The following PLEKHG4B variants were observed in gnomAD, a reference collection of about 807,000 sequenced individuals.
PLEKHG4B encodes pleckstrin homology and RhoGEF domain containing G4B.
In PLEKHG4B, 111 loss-of-function variants were observed where a neutral mutation model predicts 121.3. The observed-to-expected ratio is 0.92, with a 90% CI of 0.78 to 1.07. The LOEUF is 1.07. Ranked by LOEUF, PLEKHG4B falls within the 50% of genes least tolerant of loss-of-function variation. The pLI is 0.00. For synonymous variants in PLEKHG4B, 738 were observed against 725.0 expected, an observed-to-expected ratio of 1.02 and a Z score of -0.29; for missense variants, 1,831 against 1,757.8, an observed-to-expected ratio of 1.04 and a Z score of -0.74.
intron 13 of PLEKHG4B, among the ~76,000 whole-genome samples, chr5:164,273 C>G (rs961624385): frequency 2.0e-5 from 3 of 152,362 alleles, no homozygotes; most frequent in Admixed American, 6.5e-5. Context: ...CACTTCAGCT[C>G]ACCAGGCATT....
chr5:168,257 G>A (rs1736417074), intron 13 of PLEKHG4B, among the ~76,000 whole-genome samples: 2 of 152,192 alleles, frequency 1.3e-5, no homozygotes. Flanking sequence ...CTCATTCAAG[G>A]CAGGGAGACC....
At position 183,259 on chromosome 5, in the gene PLEKHG4B, G is replaced by A. The variant is rs977763303; in HGVS notation, c.*936G>A. The A allele has an allele frequency of 6.6e-6, 1 of 152,200 alleles. No homozygotes were observed. The highest frequency in any genetic ancestry group is 1.5e-5 in the Non-Finnish European group (1 of 68,042). 9.4% of individuals were successfully genotyped at this position (152,200 alleles called of 1,614,324 possible). ...CACTTTATCCCAGAACAAAGCTCCA[G>A]ATGATCTAGGGGTTACCAAAGTGTC... On this transcript the variant is annotated 3_prime_UTR_variant, in exon 20 of 20. Coordinates refer to ENST00000637938, the MANE Select transcript of PLEKHG4B (RefSeq NM_052909.5).
intron 1 of PLEKHG4B, among the ~76,000 whole-genome samples, 164 bp downstream of exon 1, chr5:92,440 A>AGTAGGGGCGGGTGGGGGCGCCGGG (rs1480603363): frequency 1.3e-4 from 1 of 7,488 alleles, no homozygotes; most frequent in African/African-American, 7.6e-4. Context: ...CGGACGCGGG[A>AGTAGGGGCGGGTGGGGGCGCCGGG]GTAGGGGCGG....
chr5:97,519 G>A lies in PLEKHG4B; in HGVS notation c.45+5243G>A, dbSNP rs575278159. Reference sequence around the variant, plus strand: ...CTGTCTCTATGGATTTATCTATTCCGGACATTTCATATCAACGGAATCGCA... The same window carrying A: ...CTGTCTCTATGGATTTATCTATTCCAGACATTTCATATCAACGGAATCGCA... On this transcript the variant is annotated intron_variant, in intron 1 of 19. Transcript: ENST00000637938. 2.0e-5 allele frequency among the ~76,000 whole-genome samples: 3 copies of A among 152,288 alleles called. No homozygotes were observed. The East Asian group carries it at 5.8e-4, about 29-fold the overall frequency.
At chr5:104,229 C>G (rs993216080) in intron 1 of PLEKHG4B, among the ~76,000 whole-genome samples, 2 of 150,432 alleles carry the variant, frequency 1.3e-5, no homozygotes, top group African/African-American at 5.0e-5. Flanking sequence ...CCTAAACAAC[C>G]TCAGCCCAGT....
chr5:140,712 G>A lies in PLEKHG4B; in HGVS notation c.1473G>A (p.Glu491=). The change falls in exon 3 of 20, where the codon GAG becomes GAA. Residue 491 remains glutamate, a synonymous_variant. Transcript: ENST00000637938. ...TAGAGGGTCCCGGCTGCACCAAAGA[G>A]GAAGGTAAATGCTCCCCACGCCCTC... ...VPVEGPGCTK[E]EDVLASSACV... is the part of the protein sequence containing the mutation. 6.4e-7 allele frequency: 1 copy of A among 1,562,380 alleles called. No homozygotes were observed. Among genetic ancestry groups the A allele is most frequent in the East Asian group, 2.3e-5 (1 of 44,278 alleles).
intron 2 of PLEKHG4B, among the ~76,000 whole-genome samples, chr5:135,673 AAAAAAAAAAATATATATATATAT>A (rs1316632355): frequency 9.3e-5 from 6 of 64,196 alleles, no homozygotes; most frequent in South Asian, 4.8e-4. Flanking sequence ...CTCAAAAAAA[AAAAAAAAAAATATATATATATAT>A]ATATATATAT....
At chr5:169,925 G>A (rs1444959868) in intron 14 of PLEKHG4B, among the ~76,000 whole-genome samples, 2 of 152,156 alleles carry the variant, frequency 1.3e-5, no homozygotes, top group Non-Finnish European at 2.9e-5. Context: ...GCAGTTCCCA[G>A]AATCACCTTC....
At chr5:92,547 AG>A (rs1733498010) in intron 1 of PLEKHG4B, among the ~76,000 whole-genome samples, 1 of 5,308 alleles carries the variant, frequency 1.9e-4, no homozygotes, top group Non-Finnish European at 3.7e-4. Context: ...CTGGGGTGGG[AG>A]GGGGCGCGGG....
At chr5:136,152 C>T (rs199757099) in intron 2 of PLEKHG4B, among the ~76,000 whole-genome samples, 1 of 152,106 alleles carries the variant, frequency 6.6e-6, no homozygotes, top group East Asian at 1.9e-4. Context: ...TACCTAAACC[C>T]CATTTACAAA....
chr5:162,755 G>A lies in PLEKHG4B; in HGVS notation c.2683G>A (p.Ala895Thr), dbSNP rs1436497857. The change falls in exon 13 of 20, where the codon GCT (alanine) becomes ACT (threonine). Residue 895 changes from alanine to threonine, a missense_variant. Physicochemically the swap from Ala to Thr is moderately conservative, Grantham distance 58. Transcript: ENST00000637938. ...SSWMGPLDPEACPSSPVAECL... is the reference protein window; with the variant it reads ...SSWMGPLDPETCPSSPVAECL... ...CTGGATGGGGCCCCTGGACCCGGAG[G>A]CTTGTCCCTCCTCACCCGTGGCTGA... The A allele has an allele frequency of 6.8e-7, 1 of 1,467,108 alleles. No individual in the cohort carries two copies. Among genetic ancestry groups the A allele is most frequent in the Non-Finnish European group, 9.0e-7 (1 of 1,108,956 alleles). 90.9% of individuals were successfully genotyped at this position (1,467,108 alleles called of 1,614,324 possible).
At chr5:164,576 C>T (rs1041686963) in intron 13 of PLEKHG4B, among the ~76,000 whole-genome samples, 1 of 104,218 alleles carries the variant, frequency 9.6e-6, no homozygotes, top group Non-Finnish European at 1.9e-5. Flanking sequence ...GGGGGCGGAG[C>T]TCACACAGTA....
At chr5:152,773 C>T in intron 7 of PLEKHG4B, among the ~76,000 whole-genome samples, 1 of 152,118 alleles carries the variant, frequency 6.6e-6, no homozygotes, top group Non-Finnish European at 1.5e-5. Flanking sequence ...TTAATCCCCA[C>T]GTGTGGAGGG....
At position 157,885 on chromosome 5, in the gene PLEKHG4B, A is replaced by G. The variant is rs116550284; in HGVS notation, c.2487+974A>G. Among the ~76,000 whole-genome samples, 2,174 of 152,236 alleles carry G rather than the reference A, an allele frequency of 0.014. 55 individuals carry two copies. The highest frequency in any genetic ancestry group is 0.049 in the African/African-American group (2,042 of 41,534). On this transcript the variant is annotated intron_variant, in intron 11 of 19. Transcript: ENST00000637938. This position sits in a 1 kb window ranked among gnomAD's most constrained non-coding sequence, Gnocchi z 4.6. The stretch of plus-strand genomic sequence containing the variant: ...TCCCCAGCCCTCCTGTCTGCTGGCA[A>G]AGCTCCCCCGGCCTTCAGGTCCATG...
At position 169,327 on chromosome 5, in the gene PLEKHG4B, CTG is replaced by C. The variant is rs1250160288; in HGVS notation, c.3477-9_3477-8del. On this transcript the variant is annotated splice_polypyrimidine_tract_variant and intron_variant, in intron 13 of 19. Coordinates refer to ENST00000637938, the MANE Select transcript of PLEKHG4B (RefSeq NM_052909.5). Reference sequence around the variant, plus strand: ...GGGGGCCGTGTGCCCCCCGGGATCTCTGTGTCTTCCAGCAGCCGACTGAGGCA... The same window carrying C: ...GGGGGCCGTGTGCCCCCCGGGATCTCTGTCTTCCAGCAGCCGACTGAGGCA... 68 of 1,613,152 alleles carry C rather than the reference CTG, an allele frequency of 4.2e-5. No homozygotes were observed. Among genetic ancestry groups the C allele is most frequent in the Non-Finnish European group, 5.7e-5 (67 of 1,179,530 alleles).
Position 174,014 on chromosome 5 carries a change from C to T in PLEKHG4B, c.4318C>T (p.Leu1440Phe). The T allele has an allele frequency of 6.2e-7, 1 of 1,609,994 alleles. No individual in the cohort carries two copies. The highest frequency in any genetic ancestry group is 8.5e-7 in the Non-Finnish European group (1 of 1,178,558). ...RRRKSQDTYILQASSAEVKSA... is the reference protein window; with the variant it reads ...RRRKSQDTYIFQASSAEVKSA... ...GCGGAAATCTCAGGACACCTACATT[C>T]TCCAAGCAAGCTCGGCAGAGGTCAA... Residue 1440 changes from leucine to phenylalanine, a missense_variant, in exon 18 of 20, where the codon CTC (leucine) becomes TTC (phenylalanine). Physicochemically the swap from Leu to Phe is conservative, Grantham distance 22. Transcript: ENST00000637938.
At chr5:165,036 T>G (rs1736256417) in intron 13 of PLEKHG4B, among the ~76,000 whole-genome samples, 1 of 84,166 alleles carries the variant, frequency 1.2e-5, no homozygotes, top group African/African-American at 4.5e-5. Context: ...AGGGCGGAGC[T>G]CACACTAATG....
In PLEKHG4B at chr5:186,182, G is replaced by A. The variant is rs545590410; in HGVS notation, c.*3859G>A. On this transcript the variant is annotated 3_prime_UTR_variant, in exon 20 of 20. Coordinates refer to ENST00000637938, the MANE Select transcript of PLEKHG4B (RefSeq NM_052909.5). ...CCCTGGTGTGAAACAGAGGCTTCCTGCTGGCAGAAGAGGCCCACCGAGTTA... is the reference window on the plus strand; with the variant it reads ...CCCTGGTGTGAAACAGAGGCTTCCTACTGGCAGAAGAGGCCCACCGAGTTA... 1 of 152,214 alleles carries A rather than the reference G, an allele frequency of 6.6e-6. No homozygotes were observed. The highest frequency in any genetic ancestry group is 2.4e-5 in the African/African-American group (1 of 41,502). 9.4% of individuals were successfully genotyped at this position (152,214 alleles called of 1,614,324 possible). A position where few individuals can be genotyped will look rare whatever the true frequency, so the allele number is the denominator to read the frequency against.
In PLEKHG4B at chr5:106,327, C is replaced by T. The variant is rs111421976; in HGVS notation, c.46-6924C>T. The stretch of plus-strand genomic sequence containing the variant: ...ATCTGGGCAGGTTGGAGTCTGTCTC[C>T]GGGGGCCTGACAGCTCCCCCATCCA... On this transcript the variant is annotated intron_variant, in intron 1 of 19. Coordinates refer to ENST00000637938, the MANE Select transcript of PLEKHG4B (RefSeq NM_052909.5). 3.1e-3 allele frequency among the ~76,000 whole-genome samples: 465 copies of T among 152,252 alleles called. 1 individual carries two copies. Among genetic ancestry groups the T allele is most frequent in the African/African-American group, 0.01 (418 of 41,544 alleles).
Sources: allele counts gnomAD v4.1 joint callset (sites outside exome capture counted in the v4.1 genomes callset), GRCh38; gene constraint gnomAD v4.1.1; non-coding constraint Gnocchi (gnomAD v3.1); transcripts MANE v1.5; gene names NCBI Gene and HGNC (gene_info 2026-07-23, HGNC 2026-07-21).